The following CTNND2 variants were observed in gnomAD, a reference collection of about 807,000 sequenced individuals.
CTNND2 encodes the protein catenin delta-2.
CTNND2 carries 22 observed loss-of-function variants against 144.4 expected under a neutral mutation model. The observed-to-expected ratio is 0.15, with a 90% CI of 0.11 to 0.22. The LOEUF is 0.22. CTNND2 is among the 10% of genes least tolerant of loss of function. The pLI is 1.00. For synonymous variants in CTNND2, 751 were observed against 695.6 expected, an observed-to-expected ratio of 1.08 and a Z score of -1.25; for missense variants, 1,353 against 1,618.8, an observed-to-expected ratio of 0.84 and a Z score of 2.82.
rs116558071 is a variant in CTNND2, at chr5:11,709,722, C to A, written c.174+22414G>T. On this transcript the variant is annotated intron_variant, in intron 2 of 21. Transcript: ENST00000304623. The stretch of plus-strand genomic sequence containing the variant: ...GTATTGAGAAGCCTTAAAACAAGTG[C>A]AAATGATGCTGTCAGTAAGTATAAG... Among the ~76,000 whole-genome samples the A allele has an allele frequency of 5.1e-3, 771 of 152,246 alleles. 13 individuals are homozygous for A. Among genetic ancestry groups the A allele is most frequent in the African/African-American group, 0.016 (679 of 41,556 alleles).
chr5:11,333,804 T>C (rs1753449529), intron 9 of CTNND2, among the ~76,000 whole-genome samples: 1 of 152,134 alleles, frequency 6.6e-6, no homozygotes, highest in African/African-American at 2.4e-5. Flanking sequence ...CCATGGGCTG[T>C]TTGGACGTCC....
chr5:11,331,561 T>C (rs1325524934), intron 9 of CTNND2, among the ~76,000 whole-genome samples: 1 of 152,200 alleles, frequency 6.6e-6, no homozygotes, highest in Non-Finnish European at 1.5e-5. Flanking sequence ...TTATTTTTTA[T>C]TTATTTCCTA....
intron 2 of CTNND2, among the ~76,000 whole-genome samples, chr5:11,668,704 C>T (rs2126592795): frequency 6.6e-6 from 1 of 152,308 alleles, no homozygotes; most frequent in African/African-American, 2.4e-5. Context: ...ATCATGTCAT[C>T]TGCAAACGGG....
chr5:11,598,322 A>T (rs1204477705), intron 2 of CTNND2, among the ~76,000 whole-genome samples: 1 of 152,028 alleles, frequency 6.6e-6, no homozygotes, highest in Non-Finnish European at 1.5e-5. Context: ...CTACACCACA[A>T]CCAAGGGGGA....
At chr5:11,357,604 T>C (rs541364254) in intron 8 of CTNND2, among the ~76,000 whole-genome samples, 1 of 152,204 alleles carries the variant, frequency 6.6e-6, no homozygotes, top group African/African-American at 2.4e-5. Context: ...AAGTGAATTC[T>C]GGTGTTCTAT....
chr5:11,581,336 C>T (rs994902239), intron 2 of CTNND2, among the ~76,000 whole-genome samples: 1 of 151,976 alleles, frequency 6.6e-6, no homozygotes, highest in Non-Finnish European at 1.5e-5. Context: ...TTTTCTTAGC[C>T]CTGTGTAACC....
At chr5:11,004,818 AAGCAG>A (rs1408240649) in intron 18 of CTNND2, among the ~76,000 whole-genome samples, 1 of 151,832 alleles carries the variant, frequency 6.6e-6, no homozygotes, top group Non-Finnish European at 1.5e-5. Flanking sequence ...ATGTGAATGG[AAGCAG>A]AGTCACTGAA....
chr5:11,188,408 T>C (rs1368111459), intron 11 of CTNND2, among the ~76,000 whole-genome samples: 4 of 151,864 alleles, frequency 2.6e-5, no homozygotes, highest in Admixed American at 6.6e-5. Context: ...AGCTAAACAA[T>C]GGGAGCACAT....
intron 3 of CTNND2, among the ~76,000 whole-genome samples, chr5:11,501,619 C>A (rs116479155): frequency 0.016 from 2,503 of 152,188 alleles, 71 homozygotes; most frequent in African/African-American, 0.057. Context: ...CTGTTGAAAC[C>A]CTAATCCCAA....
intron 16 of CTNND2, among the ~76,000 whole-genome samples, chr5:11,058,581 G>A (rs893057627): frequency 6.6e-6 from 1 of 152,234 alleles, no homozygotes; most frequent in Non-Finnish European, 1.5e-5. Context: ...CTCGGGCAGT[G>A]CGAAGGGAAA....
At chr5:11,537,511 G>A (rs370338680) in intron 3 of CTNND2, among the ~76,000 whole-genome samples, 124 of 152,168 alleles carry the variant, frequency 8.1e-4, no homozygotes, top group African/African-American at 2.6e-3. Context: ...TCTCTTCTCA[G>A]GTATTGTAGG....
chr5:11,104,999 C>T (rs1752284100), intron 14 of CTNND2, among the ~76,000 whole-genome samples: 1 of 152,202 alleles, frequency 6.6e-6, no homozygotes, highest in Non-Finnish European at 1.5e-5. Flanking sequence ...GGTGATGCTG[C>T]CTACTCCACA....
intron 18 of CTNND2, among the ~76,000 whole-genome samples, chr5:11,000,833 A>T (rs1376473258): frequency 2.0e-5 from 3 of 152,094 alleles, no homozygotes; most frequent in Non-Finnish European, 4.4e-5. Flanking sequence ...CCCAGCCCTG[A>T]GGTTCTCTTT....
chr5:11,173,802 G>A (rs559963345), intron 11 of CTNND2, among the ~76,000 whole-genome samples: 1 of 152,168 alleles, frequency 6.6e-6, no homozygotes, highest in African/African-American at 2.4e-5. Flanking sequence ...CACAATTCAG[G>A]GTTGTTTAGT....
intron 3 of CTNND2, among the ~76,000 whole-genome samples, chr5:11,471,745 T>C (rs1475767829): frequency 6.6e-6 from 1 of 152,208 alleles, no homozygotes; most frequent in Non-Finnish European, 1.5e-5. Context: ...AAGCTTGCTG[T>C]CCTTGTCAAG....
chr5:11,818,378 CTTCTT>C lies in CTNND2; in HGVS notation c.37+85434_37+85438del, dbSNP rs1201584731. ...CCTGGCTCCTGTATATGCGTTTTTTCTTCTTTTCTTTTTTTTTTTCCTCGCTGTCA... is the reference window on the plus strand; with the variant it reads ...CCTGGCTCCTGTATATGCGTTTTTTCTTCTTTTTTTTTTTCCTCGCTGTCA... On this transcript the variant is annotated intron_variant, in intron 1 of 21. Coordinates refer to ENST00000304623, the MANE Select transcript of CTNND2 (RefSeq NM_001332.4). Among the ~76,000 whole-genome samples the C allele has an allele frequency of 5.3e-5, 8 of 151,470 alleles. No individual in the cohort carries two copies. The South Asian group carries it at 8.3e-4, about 16-fold the overall frequency.
chr5:11,294,317 C>T (rs1748668639), intron 9 of CTNND2, among the ~76,000 whole-genome samples: 1 of 152,086 alleles, frequency 6.6e-6, no homozygotes, highest in South Asian at 2.1e-4. Flanking sequence ...ACACATAAAG[C>T]CCATCTGTTT....
intron 13 of CTNND2, among the ~76,000 whole-genome samples, chr5:11,116,573 A>G (rs930071268): frequency 6.6e-6 from 1 of 152,238 alleles, no homozygotes; most frequent in Non-Finnish European, 1.5e-5. Context: ...TAGCTCAAAC[A>G]CTGGAAAAGC....
chr5:11,012,090 G>T (rs852622), intron 18 of CTNND2, among the ~76,000 whole-genome samples: 117,990 of 152,098 alleles, frequency 0.78, 46,022 homozygotes, highest in African/African-American at 0.85. Flanking sequence ...CTTGGAAAAG[G>T]GTTGTTGAAT....
Sources: allele counts gnomAD v4.1 joint callset (sites outside exome capture counted in the v4.1 genomes callset), GRCh38; gene constraint gnomAD v4.1.1; transcripts MANE v1.5; gene names NCBI Gene and HGNC (gene_info 2026-07-23, HGNC 2026-07-21).